BCAS1: variants seen among roughly 807,000 people sequenced by gnomAD.
BCAS1 encodes breast carcinoma-amplified sequence 1.
BCAS1 carries 46 observed loss-of-function variants against 65.4 expected under a neutral mutation model. The ratio of observed to expected loss-of-function variants is 0.70; its 90% CI spans 0.55 to 0.90. BCAS1 has a LOEUF of 0.90. Ranked by LOEUF, BCAS1 falls within the 40% of genes least tolerant of loss-of-function variation. The pLI is 0.00. For missense variants in BCAS1, 793 were observed against 771.2 expected (o/e 1.03, Z -0.33); for synonymous variants, 298 against 293.5 (o/e 1.02, Z -0.16).
intron 1 of BCAS1, among the ~76,000 whole-genome samples, chr20:54,067,891 G>A (rs971305709): frequency 6.6e-6 from 1 of 152,214 alleles, no homozygotes; most frequent in South Asian, 2.1e-4. Flanking sequence ...TGAGGGTGAC[G>A]CCAACATGGC....
intron 3 of BCAS1, among the ~76,000 whole-genome samples, chr20:54,043,718 G>T (rs941450893): frequency 6.6e-6 from 1 of 152,134 alleles, no homozygotes; most frequent in Non-Finnish European, 1.5e-5. Context: ...CCCAGGGAAG[G>T]GGGTGTTTCT....
At chr20:54,050,169 TA>T (rs2092186279) in intron 3 of BCAS1, among the ~76,000 whole-genome samples, 1 of 152,176 alleles carries the variant, frequency 6.6e-6, no homozygotes, top group Non-Finnish European at 1.5e-5. Flanking sequence ...TCTGCTCCCA[TA>T]ATCACACCTT....
intron 8 of BCAS1, among the ~76,000 whole-genome samples, chr20:53,978,399 C>T (rs534261102): frequency 1.3e-5 from 2 of 152,186 alleles, no homozygotes; most frequent in East Asian, 3.9e-4. Flanking sequence ...CTTATCATTA[C>T]AGCAAATGTC....
intron 2 of BCAS1, 50 bp downstream of exon 2, chr20:54,058,597 T>C (rs1186934259): frequency 1.5e-6 from 2 of 1,353,556 alleles, no homozygotes; most frequent in East Asian, 2.8e-5. Flanking sequence ...GAAGTTCTTT[T>C]TTTTTTTTTT....
At chr20:54,037,409 C>T (rs1278318998) in intron 3 of BCAS1, among the ~76,000 whole-genome samples, 2 of 151,314 alleles carry the variant, frequency 1.3e-5, no homozygotes, top group Non-Finnish European at 1.5e-5. Context: ...TCCCTTGACA[C>T]GTGGGGATTA....
In BCAS1 at chr20:54,030,650, C is replaced by A. The variant is rs1600930061; in HGVS notation, c.143-1678G>T. Reference sequence around the variant, plus strand: ...TCCATTAGCAATTGTTTTTGCCCAACTCTAGTGTCTCGCAGTGTCTAGACT... The same window carrying A: ...TCCATTAGCAATTGTTTTTGCCCAAATCTAGTGTCTCGCAGTGTCTAGACT... On this transcript the variant is annotated intron_variant, in intron 3 of 12. Transcript: ENST00000688948. 4.0e-5 allele frequency among the ~76,000 whole-genome samples: 6 copies of A among 150,380 alleles called. 1 individual carries two copies. In the Middle Eastern group the frequency reaches 0.014, roughly 348 times the overall value.
intron 12 of BCAS1, among the ~76,000 whole-genome samples, chr20:53,948,815 A>G (rs1435605112): frequency 2.0e-5 from 3 of 152,132 alleles, no homozygotes; most frequent in Non-Finnish European, 4.4e-5. Context: ...TCATGCGGTA[A>G]CGGCCTGGCC....
At chr20:53,986,559 C>T (rs2090620040) in intron 7 of BCAS1, among the ~76,000 whole-genome samples, 1 of 151,990 alleles carries the variant, frequency 6.6e-6, no homozygotes, top group South Asian at 2.1e-4. Context: ...ATGTAATATC[C>T]TTGAATAAAT....
intron 4 of BCAS1, among the ~76,000 whole-genome samples, chr20:53,997,910 C>T (rs1047591085): frequency 6.6e-6 from 1 of 152,130 alleles, no homozygotes; most frequent in Non-Finnish European, 1.5e-5. Context: ...CTTTCATCCC[C>T]GTGTAGTCCT....
chr20:54,049,040 A>G (rs1028704982), intron 3 of BCAS1, among the ~76,000 whole-genome samples: 9 of 152,206 alleles, frequency 5.9e-5, no homozygotes, highest in East Asian at 1.9e-4. Flanking sequence ...GCTGTTGCCT[A>G]TATTTTTTAC....
rs201953614 is a variant in BCAS1, at chr20:53,967,035, C to T, written c.1356G>A (p.Lys452=). 3 of 1,612,468 alleles carry T rather than the reference C, an allele frequency of 1.9e-6. No homozygotes were observed. Among genetic ancestry groups the T allele is most frequent in the East Asian group, 2.2e-5 (1 of 44,814 alleles). ...CTGTTTGTAAGGCTGATTCTACTTC[C>T]TTGGACTTTATAATCTCTACTGGTG... ...CESPVEIIKS[K]EVESALQTVD... is the part of the protein sequence containing the mutation. The change falls in exon 10 of 13, where the codon AAG becomes AAA. Residue 452 remains lysine, a synonymous_variant. Transcript: ENST00000688948.
chr20:53,949,488 G>A (rs2089445091), intron 12 of BCAS1, among the ~76,000 whole-genome samples: 1 of 152,204 alleles, frequency 6.6e-6, no homozygotes, highest in African/African-American at 2.4e-5. Context: ...CATTTCCTGT[G>A]GGTAACAGGC....
chr20:53,964,684 A>G (rs1426966718), intron 10 of BCAS1, among the ~76,000 whole-genome samples: 1 of 152,248 alleles, frequency 6.6e-6, no homozygotes, highest in Non-Finnish European at 1.5e-5. Context: ...TCTACTGCCA[A>G]AAACTTTTCC....
chr20:54,042,907 G>A (rs139844627), intron 3 of BCAS1, among the ~76,000 whole-genome samples: 35 of 152,382 alleles, frequency 2.3e-4, no homozygotes, highest in Non-Finnish European at 2.5e-4. Context: ...TTTGAATGGA[G>A]GGGCTGATAG....
At chr20:54,015,726 T>A (rs1456886604) in intron 4 of BCAS1, among the ~76,000 whole-genome samples, 1 of 152,200 alleles carries the variant, frequency 6.6e-6, no homozygotes, top group African/African-American at 2.4e-5. Context: ...GTTTGGAAAT[T>A]ATTGTTAGAG....
chr20:54,062,833 A>T (rs1272727435), intron 1 of BCAS1, among the ~76,000 whole-genome samples: 1 of 152,256 alleles, frequency 6.6e-6, no homozygotes, highest in African/African-American at 2.4e-5. Context: ...GTCACTCTCC[A>T]CCAGCAGATA....
intron 3 of BCAS1, among the ~76,000 whole-genome samples, chr20:54,048,762 TCTGGGAA>T (rs1207427199): frequency 6.6e-6 from 1 of 152,180 alleles, no homozygotes; most frequent in Non-Finnish European, 1.5e-5. Context: ...TGCAGCAGAG[TCTGGGAA>T]CTTGCCCTTC....
intron 1 of BCAS1, among the ~76,000 whole-genome samples, chr20:54,069,956 G>A (rs2092495110): frequency 6.6e-6 from 1 of 152,228 alleles, no homozygotes; most frequent in South Asian, 2.1e-4. Flanking sequence ...GTGGTCTTGA[G>A]CGTTAAATAA....
chr20:54,019,210 C>G (rs553627384), intron 4 of BCAS1, among the ~76,000 whole-genome samples: 1 of 152,156 alleles, frequency 6.6e-6, no homozygotes, highest in Non-Finnish European at 1.5e-5. Flanking sequence ...CCTAGCTCAA[C>G]GTTCTCTAGA....
Sources: gnomAD v4.1 joint callset for allele counts (sites outside exome capture counted in the v4.1 genomes callset) on GRCh38, gnomAD v4.1.1 for gene constraint, MANE v1.5 for transcripts, NCBI Gene and HGNC (gene_info 2026-07-23, HGNC 2026-07-21) for gene names.